The following CERS6 variants were observed in gnomAD, a reference collection of about 807,000 sequenced individuals.
CERS6 encodes LAG1 homolog, ceramide synthase 6.
CERS6 carries 26 observed loss-of-function variants against 56.8 expected under a neutral mutation model. The observed-to-expected ratio is 0.46, with a 90% CI of 0.34 to 0.63. CERS6 has a LOEUF of 0.63. CERS6 is among the 30% of genes least tolerant of loss of function. CERS6 has a pLI of 0.01. For missense variants in CERS6, 415 were observed against 467.5 expected (o/e 0.89, Z 1.04); for synonymous variants, 164 against 173.3 (o/e 0.95, Z 0.42).
At chr2:168,591,617 T>C (rs944269164) in intron 3 of CERS6, among the ~76,000 whole-genome samples, 2 of 152,252 alleles carry the variant, frequency 1.3e-5, no homozygotes, top group Non-Finnish European at 2.9e-5. Context: ...TAGTAGAGCT[T>C]CCTTTTTCAC....
chr2:168,757,229 G>A (rs538404110), intron 8 of CERS6, among the ~76,000 whole-genome samples: 4 of 152,060 alleles, frequency 2.6e-5, no homozygotes, highest in African/African-American at 7.2e-5. Context: ...GATACATCCC[G>A]AAGGACACAG....
Position 168,737,721 on chromosome 2 carries a change from G to A in CERS6, c.845+19743G>A, listed in dbSNP as rs1683759650. Among the ~76,000 whole-genome samples the A allele has an allele frequency of 4.6e-5, 7 of 152,340 alleles. 1 individual carries two copies. The South Asian group carries it at 1.2e-3, about 27-fold the overall frequency. ...CAAAAACTGAATTCAATATTAAGCA[G>A]CATTCAGGGAATGAGCAGTTTTCTT... On this transcript the variant is annotated intron_variant, in intron 8 of 9. Coordinates refer to ENST00000305747, the MANE Select transcript of CERS6 (RefSeq NM_203463.3).
intron 1 of CERS6, among the ~76,000 whole-genome samples, chr2:168,473,688 A>G (rs1018470243): frequency 6.6e-6 from 1 of 152,124 alleles, no homozygotes; most frequent in Non-Finnish European, 1.5e-5. Context: ...ATTACTAATG[A>G]TATGTCTATA....
chr2:168,464,498 C>G (rs145219049), intron 1 of CERS6, among the ~76,000 whole-genome samples: 9 of 152,106 alleles, frequency 5.9e-5, no homozygotes, highest in African/African-American at 2.2e-4. Flanking sequence ...CCGACTCTTC[C>G]CCACATGCTA....
intron 7 of CERS6, among the ~76,000 whole-genome samples, chr2:168,716,845 A>T (rs1053825701): frequency 1.3e-5 from 2 of 152,106 alleles, no homozygotes; most frequent in Non-Finnish European, 2.9e-5. Context: ...TTCCTCTCAT[A>T]GCTTTGTGCT....
intron 4 of CERS6, among the ~76,000 whole-genome samples, chr2:168,682,748 C>T (rs1403280640): frequency 6.6e-6 from 1 of 152,158 alleles, no homozygotes; most frequent in Non-Finnish European, 1.5e-5. Context: ...GTTACAAGAT[C>T]CATGCTATGT....
At chr2:168,726,199 A>G (rs573063050) in intron 8 of CERS6, among the ~76,000 whole-genome samples, 1 of 152,268 alleles carries the variant, frequency 6.6e-6, no homozygotes, top group African/African-American at 2.4e-5. Flanking sequence ...GATAGGTGCA[A>G]TTTCTCCGTT....
At chr2:168,599,770 T>C (rs1045439023) in intron 3 of CERS6, among the ~76,000 whole-genome samples, 1 of 152,196 alleles carries the variant, frequency 6.6e-6, no homozygotes, top group African/African-American at 2.4e-5. Context: ...AAGAATATTG[T>C]CTTGAGCTTC....
chr2:168,631,537 A>ATATAT lies in CERS6; in HGVS notation c.465+495_465+496insTATAT, dbSNP rs1684720887. Among the ~76,000 whole-genome samples, 2 of 119,476 alleles carry ATATAT rather than the reference A, an allele frequency of 1.7e-5. 1 individual carries two copies. The highest frequency in any genetic ancestry group is 2.1e-4 in the Admixed American group (2 of 9,332). 78.4% of individuals were successfully genotyped at this position (119,476 alleles called of 152,430 possible). The stretch of plus-strand genomic sequence containing the variant: ...ATAAACTATTATATAAATACATATT[A>ATATAT]AATATATTATATTTTTAATATTTAT... On this transcript the variant is annotated intron_variant, in intron 4 of 9. Transcript: ENST00000305747.
intron 8 of CERS6, among the ~76,000 whole-genome samples, chr2:168,727,970 G>A (rs933178193): frequency 2.0e-5 from 3 of 152,244 alleles, no homozygotes; most frequent in African/African-American, 4.8e-5. Flanking sequence ...AATAATGTGT[G>A]TTGAGATGTC....
chr2:168,699,152 T>C (rs116753654), intron 6 of CERS6, among the ~76,000 whole-genome samples: 1,576 of 152,286 alleles, frequency 0.01, 28 homozygotes, highest in African/African-American at 0.035. Context: ...TCCATCCTTA[T>C]TCCGCCTCCA....
intron 8 of CERS6, among the ~76,000 whole-genome samples, chr2:168,762,033 A>T (rs1684596212): frequency 6.6e-6 from 1 of 152,262 alleles, no homozygotes; most frequent in African/African-American, 2.4e-5. Context: ...GAAGGAGAGC[A>T]TTAGGACAAA....
At chr2:168,664,701 C>T (rs937274878) in intron 4 of CERS6, among the ~76,000 whole-genome samples, 6 of 152,114 alleles carry the variant, frequency 3.9e-5, no homozygotes, top group African/African-American at 1.4e-4. Flanking sequence ...AGTGAGGATG[C>T]CCAGAGGTCA....
At chr2:168,741,616 C>G (rs544974631) in intron 8 of CERS6, among the ~76,000 whole-genome samples, 11 of 152,168 alleles carry the variant, frequency 7.2e-5, no homozygotes, top group African/African-American at 2.6e-4. Context: ...TGGACAAGCT[C>G]GAATTAGAGA....
intron 8 of CERS6, among the ~76,000 whole-genome samples, chr2:168,750,541 C>T (rs1184367533): frequency 6.6e-6 from 1 of 152,180 alleles, no homozygotes; most frequent in East Asian, 1.9e-4. Context: ...TCTAATTTAA[C>T]ATTGTACTCT....
chr2:168,773,094 C>T lies in CERS6; in HGVS notation c.*3432C>T, dbSNP rs1313289696. Reference sequence around the variant, plus strand: ...AAAGTCAGATTTCATTTCCATTTACCTGAGTTCGCTTTAAAGAGCTTTTCA... The same window carrying T: ...AAAGTCAGATTTCATTTCCATTTACTTGAGTTCGCTTTAAAGAGCTTTTCA... On this transcript the variant is annotated 3_prime_UTR_variant, in exon 10 of 10. Transcript: ENST00000305747. 2 of 152,124 alleles carry T rather than the reference C, an allele frequency of 1.3e-5. No individual in the cohort carries two copies. The highest frequency in any genetic ancestry group is 4.8e-5 in the African/African-American group (2 of 41,414). 9.4% of individuals were successfully genotyped at this position (152,124 alleles called of 1,614,324 possible).
chr2:168,561,905 C>T (rs1695797064), intron 3 of CERS6, among the ~76,000 whole-genome samples: 2 of 152,132 alleles, frequency 1.3e-5, no homozygotes, highest in Admixed American at 1.3e-4. Context: ...AAAGGACCCA[C>T]AGAGAGCTCT....
At chr2:168,645,570 G>A (rs1259281344) in intron 4 of CERS6, among the ~76,000 whole-genome samples, 6 of 152,046 alleles carry the variant, frequency 3.9e-5, no homozygotes, top group African/African-American at 9.7e-5. Context: ...GGGGCTACAT[G>A]TGAAGGTTTG....
intron 1 of CERS6, among the ~76,000 whole-genome samples, chr2:168,517,290 G>A (rs1244260316): frequency 1.3e-5 from 2 of 151,604 alleles, no homozygotes; most frequent in South Asian, 2.1e-4. Context: ...TCAGGAGTTC[G>A]ACATCAGCCT....
Sources: allele counts gnomAD v4.1 joint callset (sites outside exome capture counted in the v4.1 genomes callset), GRCh38; gene constraint gnomAD v4.1.1; transcripts MANE v1.5; gene names NCBI Gene and HGNC (gene_info 2026-07-23, HGNC 2026-07-21).